Variants in PDE3A observed in about 807,000 individuals in gnomAD.
PDE3A encodes cGMP-inhibited 3',5'-cyclic phosphodiesterase 3A.
In PDE3A, 43 loss-of-function variants were observed where a neutral mutation model predicts 98.3. That is an observed-to-expected ratio of 0.44 (90% CI 0.34 to 0.56). PDE3A has a LOEUF of 0.56. Ranked by LOEUF, PDE3A falls within the 20% of genes least tolerant of loss-of-function variation. The pLI, the probability that PDE3A is intolerant of heterozygous loss-of-function variation, is 0.01. For synonymous variants in PDE3A, 663 were observed against 567.9 expected, an observed-to-expected ratio of 1.17 and a Z score of -2.38; for missense variants, 1,427 against 1,440.7, an observed-to-expected ratio of 0.99 and a Z score of 0.15.
intron 15 of PDE3A, among the ~76,000 whole-genome samples, chr12:20,671,169 T>C (rs1476863644): frequency 6.8e-6 from 1 of 147,668 alleles, no homozygotes; most frequent in Non-Finnish European, 1.5e-5. Flanking sequence ...AATCTCTGAA[T>C]AGACCAATAA....
intron 1 of PDE3A, among the ~76,000 whole-genome samples, chr12:20,407,352 T>A (rs1186565269): frequency 6.6e-6 from 1 of 152,220 alleles, no homozygotes; most frequent in East Asian, 1.9e-4. Flanking sequence ...TTCAGCATGG[T>A]TATTCATGAA....
intron 10 of PDE3A, among the ~76,000 whole-genome samples, chr12:20,643,495 C>G (rs1009546143): frequency 6.6e-6 from 1 of 152,196 alleles, no homozygotes; most frequent in African/African-American, 2.4e-5. Flanking sequence ...AAACATGTCA[C>G]TGACTGCTAA....
chr12:20,498,551 A>C (rs946605496), intron 1 of PDE3A, among the ~76,000 whole-genome samples: 2 of 152,184 alleles, frequency 1.3e-5, no homozygotes, highest in African/African-American at 4.8e-5. Flanking sequence ...GTTATATGCA[A>C]ATACTATACC....
At chr12:20,560,776 T>G (rs2121283312) in intron 2 of PDE3A, among the ~76,000 whole-genome samples, 1 of 152,200 alleles carries the variant, frequency 6.6e-6, no homozygotes, top group Non-Finnish European at 1.5e-5. Context: ...GAGGAAATGG[T>G]GCGGTTCAGG....
intron 1 of PDE3A, among the ~76,000 whole-genome samples, chr12:20,425,157 C>G (rs1944582637): frequency 6.6e-6 from 1 of 152,164 alleles, no homozygotes; most frequent in Non-Finnish European, 1.5e-5. Context: ...AGGCACACGC[C>G]TGGATTGGCC....
At chr12:20,411,611 A>T (rs911244562) in intron 1 of PDE3A, among the ~76,000 whole-genome samples, 2 of 152,120 alleles carry the variant, frequency 1.3e-5, no homozygotes, top group Non-Finnish European at 2.9e-5. Context: ...ATGTCCTAAC[A>T]GGTCTCTGGA....
intron 10 of PDE3A, among the ~76,000 whole-genome samples, chr12:20,644,891 CTTTTT>C (rs199535934): frequency 2.8e-5 from 3 of 106,528 alleles, no homozygotes; most frequent in Non-Finnish European, 5.4e-5. Flanking sequence ...CTTCTTCCTT[CTTTTT>C]TTTTTTTTTT....
chr12:20,644,703 T>C (rs1191241890), intron 10 of PDE3A, among the ~76,000 whole-genome samples: 1 of 152,104 alleles, frequency 6.6e-6, no homozygotes, highest in Non-Finnish European at 1.5e-5. Context: ...TAGATGTCAA[T>C]CTTAATGAAA....
Position 20,635,302 on chromosome 12 carries a change from C to T in PDE3A, c.2001+246C>T, listed in dbSNP as rs182824294. 4.6e-3 allele frequency among the ~76,000 whole-genome samples: 697 copies of T among 152,248 alleles called. 6 individuals are homozygous for T. The highest frequency in any genetic ancestry group is 0.016 in the African/African-American group (660 of 41,544). On this transcript the variant is annotated intron_variant, in intron 8 of 15. Coordinates refer to ENST00000359062, the MANE Select transcript of PDE3A (RefSeq NM_000921.5). ...CCAGGCATAGCCAGGTGCAGTGGCT[C>T]ACGCCTGTAATCCCAGCACTTTGGG...
intron 2 of PDE3A, among the ~76,000 whole-genome samples, chr12:20,612,521 A>G (rs1399740325): frequency 1.3e-5 from 2 of 150,652 alleles, no homozygotes; most frequent in African/African-American, 4.8e-5. Flanking sequence ...TTTCAAGATT[A>G]TAAAATAGTC....
intron 2 of PDE3A, among the ~76,000 whole-genome samples, chr12:20,609,438 A>T (rs557782042): frequency 6.6e-6 from 1 of 152,164 alleles, no homozygotes; most frequent in African/African-American, 2.4e-5. Flanking sequence ...AAAATATTCC[A>T]TTACTCAATC....
At chr12:20,561,255 T>TA (rs113904087) in intron 2 of PDE3A, among the ~76,000 whole-genome samples, 6,277 of 145,864 alleles carry the variant, frequency 0.043, 144 homozygotes, top group Middle Eastern at 0.12. Flanking sequence ...GAGGCTCTGC[T>TA]AAAAAAAAAA....
intron 8 of PDE3A, 92 bp downstream of exon 8, chr12:20,635,148 A>AGGT: frequency 8.3e-7 from 1 of 1,211,694 alleles, no homozygotes. Context: ...AGGCCAGGCA[A>AGGT]GGTGGCTCAC....
chr12:20,533,823 C>G (rs1420449786), intron 1 of PDE3A, among the ~76,000 whole-genome samples: 1 of 151,924 alleles, frequency 6.6e-6, no homozygotes, highest in Non-Finnish European at 1.5e-5. Context: ...AAGAATAAGT[C>G]TGAACAAAGT....
At chr12:20,419,058 T>C (rs1414256880) in intron 1 of PDE3A, among the ~76,000 whole-genome samples, 1 of 152,168 alleles carries the variant, frequency 6.6e-6, no homozygotes, top group Non-Finnish European at 1.5e-5. Flanking sequence ...GATATATGTC[T>C]GTATATGGGG....
At chr12:20,664,808 C>A (rs990421799) in intron 15 of PDE3A, among the ~76,000 whole-genome samples, 1 of 152,230 alleles carries the variant, frequency 6.6e-6, no homozygotes, top group South Asian at 2.1e-4. Context: ...ATTATCCAGT[C>A]TCAGGTATGT....
chr12:20,457,198 A>G (rs1047596647), intron 1 of PDE3A, among the ~76,000 whole-genome samples: 1 of 151,900 alleles, frequency 6.6e-6, no homozygotes, highest in Non-Finnish European at 1.5e-5. Context: ...AAAGTATTCT[A>G]TTTCCTAATT....
chr12:20,438,385 A>G (rs759740045), intron 1 of PDE3A, among the ~76,000 whole-genome samples: 8 of 152,218 alleles, frequency 5.3e-5, no homozygotes, highest in Non-Finnish European at 8.8e-5. Context: ...TCCCAAGCCA[A>G]ATACATTTCT....
At chr12:20,454,826 T>C (rs1469529062) in intron 1 of PDE3A, among the ~76,000 whole-genome samples, 1 of 152,226 alleles carries the variant, frequency 6.6e-6, no homozygotes, top group Non-Finnish European at 1.5e-5. Context: ...GACTGCATAG[T>C]ATTCCATGGT....
Sources: allele counts gnomAD v4.1 joint callset (sites outside exome capture counted in the v4.1 genomes callset), GRCh38; gene constraint gnomAD v4.1.1; transcripts MANE v1.5; gene names NCBI Gene and HGNC (gene_info 2026-07-23, HGNC 2026-07-21).